Variants in CACNA2D1 observed in about 807,000 individuals in gnomAD.
The protein encoded by CACNA2D1 is voltage-dependent calcium channel subunit alpha-2/delta-1.
A neutral mutation model predicts 171.5 loss-of-function variants in CACNA2D1; 53 were observed. The ratio of observed to expected loss-of-function variants is 0.31; its 90% CI spans 0.25 to 0.39. CACNA2D1 has a LOEUF of 0.39. Ranked by LOEUF, CACNA2D1 falls within the 10% of genes least tolerant of loss-of-function variation. CACNA2D1 has a pLI of 1.00. For synonymous variants in CACNA2D1, 442 were observed against 443.1 expected, an observed-to-expected ratio of 1.00 and a Z score of 0.03; for missense variants, 903 against 1,299.8, an observed-to-expected ratio of 0.69 and a Z score of 4.69.
intron 3 of CACNA2D1, among the ~76,000 whole-genome samples, chr7:82,317,914 C>T (rs1815312866): frequency 1.3e-5 from 2 of 151,536 alleles, no homozygotes; most frequent in South Asian, 4.2e-4. Flanking sequence ...AGAGAGTTTT[C>T]CCAAGCTCTT....
At chr7:82,107,932 A>C (rs1300716599) in intron 6 of CACNA2D1, among the ~76,000 whole-genome samples, 3 of 152,110 alleles carry the variant, frequency 2.0e-5, no homozygotes, top group Admixed American at 2.0e-4. Context: ...TTATGTCTAA[A>C]GGTAATCTAG....
chr7:82,070,303 A>G (rs1215028771), intron 7 of CACNA2D1, among the ~76,000 whole-genome samples: 5 of 152,228 alleles, frequency 3.3e-5, no homozygotes, highest in Middle Eastern at 3.2e-3. Flanking sequence ...GCTCCCGAAT[A>G]AAACTTTTAA....
chr7:81,976,598 T>A (rs1394497667), intron 24 of CACNA2D1, among the ~76,000 whole-genome samples: 1 of 152,212 alleles, frequency 6.6e-6, no homozygotes, highest in Non-Finnish European at 1.5e-5. Flanking sequence ...CTCGCGCCCA[T>A]AATCCCAGCA....
At chr7:82,076,930 T>C (rs544037088) in intron 7 of CACNA2D1, among the ~76,000 whole-genome samples, 6 of 152,188 alleles carry the variant, frequency 3.9e-5, no homozygotes, top group Non-Finnish European at 8.8e-5. Flanking sequence ...CTCTTCTTCA[T>C]TGACTTGGTT....
intron 3 of CACNA2D1, among the ~76,000 whole-genome samples, chr7:82,178,959 T>C (rs561134205): frequency 6.6e-6 from 1 of 152,112 alleles, no homozygotes; most frequent in East Asian, 1.9e-4. Flanking sequence ...CCAAGCATTT[T>C]CAAGGTTGTA....
At chr7:82,350,723 G>GATTTGGAATTACTAGATCCATTTAT (rs1324665396) in intron 1 of CACNA2D1, among the ~76,000 whole-genome samples, 2 of 152,010 alleles carry the variant, frequency 1.3e-5, no homozygotes, top group Non-Finnish European at 2.9e-5. Flanking sequence ...TAGACTCTTA[G>GATTTGGAATTACTAGATCCATTTAT]ATTTGGAATT....
At position 82,443,473 on chromosome 7, in the gene CACNA2D1, G is replaced by T. The variant is rs202040993; in HGVS notation, c.-14C>A. The T allele has an allele frequency of 6.2e-7, 1 of 1,606,380 alleles. No individual in the cohort carries two copies. Among genetic ancestry groups the T allele is most frequent in the Non-Finnish European group, 8.5e-7 (1 of 1,176,198 alleles). On this transcript the variant is annotated 5_prime_UTR_variant, in exon 1 of 39. Coordinates refer to ENST00000356860, the MANE Select transcript of CACNA2D1 (RefSeq NM_000722.4). ...GCCAGCAGCCATCTTCGCGATCGAA[G>T]ATCAATGCCCCCTCCCTGCCCAAGC...
At chr7:82,104,809 T>C (rs1207313650) in intron 6 of CACNA2D1, among the ~76,000 whole-genome samples, 1 of 152,108 alleles carries the variant, frequency 6.6e-6, no homozygotes, top group Non-Finnish European at 1.5e-5. Flanking sequence ...CATGTTGTAA[T>C]TGAAGTGATG....
At chr7:82,418,455 A>G (rs186026487) in intron 1 of CACNA2D1, among the ~76,000 whole-genome samples, 21 of 152,354 alleles carry the variant, frequency 1.4e-4, no homozygotes, top group African/African-American at 4.3e-4. Flanking sequence ...TCTTCTTTGT[A>G]GAAAGAAGAA....
intron 3 of CACNA2D1, among the ~76,000 whole-genome samples, chr7:82,206,500 C>T (rs1213819516): frequency 6.6e-6 from 1 of 151,974 alleles, no homozygotes; most frequent in African/African-American, 2.4e-5. Context: ...ATTCAGTAAA[C>T]CAAATTAGAT....
At position 82,113,871 on chromosome 7, in the gene CACNA2D1, G is replaced by A. The variant is rs1788723018; in HGVS notation, c.526+3173C>T. ...TTTTAAAGGAGTACAGGCCAGGAAA[G>A]GTTAGAGTCTTACTGATGAGATTTC... is the stretch of plus-strand genomic sequence containing the variant. On this transcript the variant is annotated intron_variant, in intron 6 of 38. Coordinates refer to ENST00000356860, the MANE Select transcript of CACNA2D1 (RefSeq NM_000722.4). Among the ~76,000 whole-genome samples, 3 of 152,106 alleles carry A rather than the reference G, an allele frequency of 2.0e-5. No individual in the cohort carries two copies. The South Asian group carries it at 6.2e-4, about 31-fold the overall frequency.
intron 18 of CACNA2D1, among the ~76,000 whole-genome samples, chr7:81,998,919 C>A (rs1798314946): frequency 6.6e-6 from 1 of 152,034 alleles, no homozygotes; most frequent in Non-Finnish European, 1.5e-5. Flanking sequence ...CTAAAGTTTA[C>A]AACATTATTC....
At chr7:82,105,398 CTTTTTTTTT>C (rs572031121) in intron 6 of CACNA2D1, among the ~76,000 whole-genome samples, 11 of 99,472 alleles carry the variant, frequency 1.1e-4, no homozygotes, top group Non-Finnish European at 1.9e-4. Flanking sequence ...CAGTTTTTGT[CTTTTTTTTT>C]TTTTTTTTTT....
chr7:82,140,966 AAAAG>A (rs769306239), intron 4 of CACNA2D1, among the ~76,000 whole-genome samples: 3,644 of 92,396 alleles, frequency 0.039, 120 homozygotes, highest in Non-Finnish European at 0.058. Context: ...AAAAAAAAAA[AAAAG>A]AAAAAAAAAT....
chr7:82,398,057 T>A (rs1003138828), intron 1 of CACNA2D1, among the ~76,000 whole-genome samples: 1 of 152,166 alleles, frequency 6.6e-6, no homozygotes, highest in Non-Finnish European at 1.5e-5. Flanking sequence ...ACAGGCTATG[T>A]CCAACTACTC....
At chr7:82,019,379 T>G (rs1372596033) in intron 12 of CACNA2D1, among the ~76,000 whole-genome samples, 1 of 152,146 alleles carries the variant, frequency 6.6e-6, no homozygotes, top group Non-Finnish European at 1.5e-5. Flanking sequence ...AGTTATAAAC[T>G]TACATAATTT....
chr7:82,099,360 T>G (rs936187058), intron 6 of CACNA2D1, among the ~76,000 whole-genome samples: 2 of 151,876 alleles, frequency 1.3e-5, no homozygotes, highest in African/African-American at 4.8e-5. Flanking sequence ...TATTACTGTT[T>G]AATATATTCT....
chr7:82,102,995 T>G (rs1270672177), intron 6 of CACNA2D1, among the ~76,000 whole-genome samples: 1 of 152,150 alleles, frequency 6.6e-6, no homozygotes, highest in Admixed American at 6.6e-5. Context: ...TTAATAATTA[T>G]TTATGTGGAT....
At chr7:82,150,183 A>T (rs10257186) in intron 4 of CACNA2D1, among the ~76,000 whole-genome samples, 30,712 of 150,840 alleles carry the variant, frequency 0.2, 3,675 homozygotes, top group African/African-American at 0.34. Flanking sequence ...CATTCAGTTG[A>T]CAAATACGGT....
Sources: gnomAD v4.1 joint callset for allele counts (sites outside exome capture counted in the v4.1 genomes callset) on GRCh38, gnomAD v4.1.1 for gene constraint, MANE v1.5 for transcripts, NCBI Gene and HGNC (gene_info 2026-07-23, HGNC 2026-07-21) for gene names.